EXOC6B: variants seen among roughly 807,000 people sequenced by gnomAD.
EXOC6B encodes the protein SEC15 homolog B.
In EXOC6B, 54 loss-of-function variants were observed where a neutral mutation model predicts 113.5. That is an observed-to-expected ratio of 0.48 (90% CI 0.38 to 0.60). The LOEUF is 0.60. Ranked by LOEUF, EXOC6B falls within the 20% of genes least tolerant of loss-of-function variation. EXOC6B has a pLI of 0.00. For missense variants in EXOC6B, 797 were observed against 977.5 expected (o/e 0.82, Z 2.46); for synonymous variants, 357 against 339.0 (o/e 1.05, Z -0.58).
chr2:72,272,764 G>C (rs1425383139), intron 20 of EXOC6B, among the ~76,000 whole-genome samples: 1 of 152,116 alleles, frequency 6.6e-6, no homozygotes, highest in Non-Finnish European at 1.5e-5. Flanking sequence ...GCCGTGAATA[G>C]GATGTTATTG....
chr2:72,412,999 C>G (rs1453095738), intron 18 of EXOC6B, among the ~76,000 whole-genome samples: 1 of 152,008 alleles, frequency 6.6e-6, no homozygotes, highest in Non-Finnish European at 1.5e-5. Context: ...CGCTCTGTCA[C>G]CCAGGCTGGA....
chr2:72,770,996 T>C (rs531544947), intron 1 of EXOC6B, among the ~76,000 whole-genome samples: 3 of 152,358 alleles, frequency 2.0e-5, no homozygotes, highest in Admixed American at 2.0e-4. Context: ...ATAATGATTA[T>C]AGTGCTCTTC....
intron 18 of EXOC6B, among the ~76,000 whole-genome samples, chr2:72,431,388 T>C (rs1695508268): frequency 1.3e-5 from 2 of 152,170 alleles, no homozygotes; most frequent in Admixed American, 6.5e-5. Context: ...CACAGCTCAC[T>C]GCAGCTTTGA....
chr2:72,563,219 A>G (rs1297918673), intron 7 of EXOC6B, among the ~76,000 whole-genome samples: 2 of 152,150 alleles, frequency 1.3e-5, no homozygotes, highest in Non-Finnish European at 2.9e-5. Flanking sequence ...ATATAATGGA[A>G]GCAACTATTA....
chr2:72,676,414 T>C (rs1446448764), intron 6 of EXOC6B, among the ~76,000 whole-genome samples: 2 of 152,238 alleles, frequency 1.3e-5, no homozygotes, highest in African/African-American at 2.4e-5. Flanking sequence ...CAGAGAACAA[T>C]TTAAACAAAC....
intron 6 of EXOC6B, among the ~76,000 whole-genome samples, chr2:72,591,139 C>G (rs1705928935): frequency 6.6e-6 from 1 of 152,054 alleles, no homozygotes; most frequent in South Asian, 2.1e-4. Flanking sequence ...AGTAGGCTAT[C>G]AGAGTTAATC....
At chr2:72,678,269 G>A (rs968596928) in intron 6 of EXOC6B, among the ~76,000 whole-genome samples, 2 of 152,112 alleles carry the variant, frequency 1.3e-5, no homozygotes, top group Non-Finnish European at 1.5e-5. Context: ...AATGTGGCTC[G>A]CTAAACATTT....
intron 16 of EXOC6B, among the ~76,000 whole-genome samples, chr2:72,489,396 G>GA (rs1311227861): frequency 6.6e-6 from 1 of 152,066 alleles, no homozygotes; most frequent in African/African-American, 2.4e-5. Context: ...TATCTTAATA[G>GA]AACCTCTTGT....
intron 6 of EXOC6B, among the ~76,000 whole-genome samples, chr2:72,651,543 A>C (rs566679614): frequency 6.6e-6 from 1 of 152,338 alleles, no homozygotes; most frequent in African/African-American, 2.4e-5. Flanking sequence ...TCAGCCATTA[A>C]AACAGCAAAA....
chr2:72,621,035 C>T (rs1293037184), intron 6 of EXOC6B, among the ~76,000 whole-genome samples: 4 of 152,128 alleles, frequency 2.6e-5, no homozygotes, highest in Admixed American at 1.3e-4. Flanking sequence ...GAAAAGGGAA[C>T]GCTTATACAC....
rs536064820 is a variant in EXOC6B at position 72,614,265 on chromosome 2, G to T, written c.670-38597C>A. On this transcript the variant is annotated intron_variant, in intron 6 of 21. Coordinates refer to ENST00000272427, the MANE Select transcript of EXOC6B (RefSeq NM_015189.3). ...AAGGACTAGACATTTAATAAAAAAT[G>T]AAGTAGAGAATATATATCCCACAAA... Among the ~76,000 whole-genome samples, 5 of 152,238 alleles carry T rather than the reference G, an allele frequency of 3.3e-5. No individual in the cohort carries two copies. In the South Asian group the frequency reaches 1.0e-3, roughly 32 times the overall value.
intron 19 of EXOC6B, among the ~76,000 whole-genome samples, chr2:72,344,947 T>C (rs1689242740): frequency 6.6e-6 from 1 of 151,974 alleles, no homozygotes; most frequent in Non-Finnish European, 1.5e-5. Context: ...TCTGAACCTC[T>C]GTGATTAGAA....
chr2:72,434,337 G>A (rs1695725639), intron 18 of EXOC6B, among the ~76,000 whole-genome samples: 1 of 152,128 alleles, frequency 6.6e-6, no homozygotes, highest in East Asian at 1.9e-4. Flanking sequence ...TTGCATCGAT[G>A]TTCATCAAGG....
chr2:72,738,008 C>G (rs1681073367), intron 2 of EXOC6B, among the ~76,000 whole-genome samples: 1 of 151,980 alleles, frequency 6.6e-6, no homozygotes, highest in Non-Finnish European at 1.5e-5. Flanking sequence ...TATTATAATA[C>G]ATAAAGAAAA....
chr2:72,813,012 A>G (rs1288726746), intron 1 of EXOC6B, among the ~76,000 whole-genome samples: 2 of 152,230 alleles, frequency 1.3e-5, no homozygotes, highest in Non-Finnish European at 2.9e-5. Context: ...ATAGACTAGT[A>G]TCTAGAATAA....
At position 72,480,824 on chromosome 2, in the gene EXOC6B, C is replaced by T. The variant is rs1044193446; in HGVS notation, c.1666-74G>A. ...GATGAATGGCTCAATATGAATCTGC[C>T]GGTACAAAACAAATGTAAGGCATAA... On this transcript the variant is annotated intron_variant, in intron 16 of 21. Coordinates refer to ENST00000272427, the MANE Select transcript of EXOC6B (RefSeq NM_015189.3). 24 of 1,416,914 alleles carry T rather than the reference C, an allele frequency of 1.7e-5. No homozygotes were observed. In the South Asian group the frequency reaches 1.8e-4, roughly 11 times the overall value. The allele number at this position is 1,416,914 out of a possible 1,614,324, so 87.8% of individuals were successfully genotyped here.
chr2:72,405,601 G>A lies in EXOC6B; in HGVS notation c.1981-25731C>T, dbSNP rs183040423. Among the ~76,000 whole-genome samples the A allele has an allele frequency of 5.3e-3, 808 of 152,204 alleles. 2 individuals carry two copies. Among genetic ancestry groups the A allele is most frequent in the Non-Finnish European group, 8.4e-3 (571 of 68,000 alleles). On this transcript the variant is annotated intron_variant, in intron 18 of 21. Coordinates refer to ENST00000272427, the MANE Select transcript of EXOC6B (RefSeq NM_015189.3). Reference sequence around the variant, plus strand: ...CCAAGAATTTCATATCCAGCAAAACGAAGCTTCATAAGTGAAGGAGAAATA... The same window carrying A: ...CCAAGAATTTCATATCCAGCAAAACAAAGCTTCATAAGTGAAGGAGAAATA...
intron 6 of EXOC6B, among the ~76,000 whole-genome samples, chr2:72,635,099 C>T (rs1672731026): frequency 6.6e-6 from 1 of 152,032 alleles, no homozygotes; most frequent in Non-Finnish European, 1.5e-5. Flanking sequence ...CATGTATATA[C>T]ATTAGAAAAC....
intron 6 of EXOC6B, among the ~76,000 whole-genome samples, chr2:72,589,726 T>G (rs1360679332): frequency 6.6e-6 from 1 of 151,840 alleles, no homozygotes; most frequent in Non-Finnish European, 1.5e-5. Context: ...TCACTAAAAT[T>G]ATCTCCCCAT....
Sources: gnomAD v4.1 joint callset for allele counts (sites outside exome capture counted in the v4.1 genomes callset) on GRCh38, gnomAD v4.1.1 for gene constraint, MANE v1.5 for transcripts, NCBI Gene and HGNC (gene_info 2026-07-23, HGNC 2026-07-21) for gene names.